NRG1: variants seen among roughly 807,000 people sequenced by gnomAD.
The protein encoded by NRG1 is pro-neuregulin-1, membrane-bound isoform.
In NRG1, 18 loss-of-function variants were observed where a neutral mutation model predicts 63.8. The observed-to-expected ratio is 0.28, with a 90% confidence interval of 0.19 to 0.42. NRG1 has a LOEUF of 0.42. Among genes scored for constraint, NRG1 ranks in the 10% least tolerant of loss-of-function variants. The pLI is 1.00. For synonymous variants in NRG1, 302 were observed against 301.3 expected (o/e 1.00, Z -0.02); for missense variants, 762 against 814.7 (o/e 0.94, Z 0.79).
intron 1 of NRG1, among the ~76,000 whole-genome samples, chr8:32,253,936 G>A (rs1008138394): frequency 1.3e-5 from 2 of 152,128 alleles, no homozygotes; most frequent in African/African-American, 4.8e-5. Flanking sequence ...ATGTGTCTAG[G>A]AGTTTATCAA....
intron 1 of NRG1, among the ~76,000 whole-genome samples, chr8:31,747,472 A>T (rs541541668): frequency 6.6e-6 from 1 of 152,120 alleles, no homozygotes; most frequent in South Asian, 2.1e-4. Flanking sequence ...ACAGTTAATT[A>T]ATTCAATTCA....
intron 1 of NRG1, among the ~76,000 whole-genome samples, chr8:32,063,955 G>GGGT (rs1824314573): frequency 6.6e-6 from 1 of 152,096 alleles, no homozygotes; most frequent in Non-Finnish European, 1.5e-5. Flanking sequence ...GGAAGTGTGG[G>GGGT]CAGGGAGAAT....
intron 1 of NRG1, among the ~76,000 whole-genome samples, chr8:32,221,813 T>C (rs1563923235): frequency 1.3e-5 from 2 of 152,072 alleles, no homozygotes; most frequent in African/African-American, 2.4e-5. Flanking sequence ...TTTAAACTGG[T>C]CTAAAAGGAA....
chr8:31,719,538 T>C (rs1812690442), intron 1 of NRG1, among the ~76,000 whole-genome samples: 1 of 152,210 alleles, frequency 6.6e-6, no homozygotes. Context: ...TGGAGCTTTG[T>C]TGGTCAATTC....
intron 1 of NRG1, among the ~76,000 whole-genome samples, chr8:32,295,184 G>A (rs1854690892): frequency 6.6e-6 from 1 of 152,100 alleles, no homozygotes; most frequent in Non-Finnish European, 1.5e-5. Flanking sequence ...ATTAAAATTT[G>A]ATAAGCTTTT....
intron 1 of NRG1, among the ~76,000 whole-genome samples, chr8:32,241,018 G>GGGAC (rs1848050159): frequency 6.6e-6 from 1 of 151,956 alleles, no homozygotes; most frequent in African/African-American, 2.4e-5. Context: ...AAGGAAAGAT[G>GGGAC]GGACTCTGGA....
downstream of NRG1, among the ~76,000 whole-genome samples, chr8:32,769,692 G>A (rs568298978): frequency 5.1e-4 from 78 of 152,272 alleles, 2 homozygotes; most frequent in South Asian, 7.3e-3. Context: ...AACTTGGCAG[G>A]AAATACCAAT....
chr8:31,965,518 C>T (rs112440691), intron 1 of NRG1, among the ~76,000 whole-genome samples: 2,089 of 152,260 alleles, frequency 0.014, 16 homozygotes, highest in Non-Finnish European at 0.024. Flanking sequence ...CCACTGCACC[C>T]AGCCAGATGT....
intron 1 of NRG1, among the ~76,000 whole-genome samples, chr8:32,573,056 T>G (rs17720634): frequency 0.21 from 31,216 of 152,122 alleles, 3,887 homozygotes; most frequent in Admixed American, 0.33. Flanking sequence ...TATCTTAGCT[T>G]CTTCTCCTTA....
intron 1 of NRG1, among the ~76,000 whole-genome samples, chr8:31,643,210 A>G (rs1803971395): frequency 2.0e-5 from 3 of 152,248 alleles, no homozygotes. Flanking sequence ...GTGATGGAGC[A>G]GAAGGCCCTC....
At chr8:32,356,084 G>A (rs1036745930) in intron 1 of NRG1, among the ~76,000 whole-genome samples, 1 of 152,144 alleles carries the variant, frequency 6.6e-6, no homozygotes, top group Non-Finnish European at 1.5e-5. Flanking sequence ...CAGAGGACAA[G>A]TACCCTACTC....
At chr8:32,654,543 C>G (rs148342612) in intron 5 of NRG1, among the ~76,000 whole-genome samples, 1 of 149,790 alleles carries the variant, frequency 6.7e-6, no homozygotes, top group Non-Finnish European at 1.5e-5. Flanking sequence ...GAAGGAGAAT[C>G]GCTTCAACCT....
chr8:32,443,851 A>G (rs755979557), intron 1 of NRG1, among the ~76,000 whole-genome samples: 1 of 151,206 alleles, frequency 6.6e-6, no homozygotes, highest in South Asian at 2.1e-4. Flanking sequence ...AAAAAAATGT[A>G]TGGCTTTAGA....
chr8:32,153,627 T>C (rs1367195713), intron 1 of NRG1, among the ~76,000 whole-genome samples: 1 of 152,168 alleles, frequency 6.6e-6, no homozygotes, highest in Non-Finnish European at 1.5e-5. Flanking sequence ...GATAGCAAAA[T>C]ATTGCATACA....
intron 1 of NRG1, among the ~76,000 whole-genome samples, chr8:32,461,126 C>T (rs1822255456): frequency 6.6e-6 from 1 of 152,010 alleles, no homozygotes; most frequent in Admixed American, 6.6e-5. Context: ...AATTCTGGCT[C>T]CTACTCTTCC....
Position 32,044,053 on chromosome 8 carries a change from T to C in NRG1, c.37+404622T>C, listed in dbSNP as rs192102058. 5.2e-3 allele frequency among the ~76,000 whole-genome samples: 788 copies of C among 152,014 alleles called. 3 individuals carry two copies. Among genetic ancestry groups the C allele is most frequent in the Admixed American group, 8.9e-3 (136 of 15,266 alleles). On this transcript the variant is annotated intron_variant, in intron 1 of 10. Transcript: ENST00000519301. Reference sequence around the variant, plus strand: ...ATGTATGATGCAGCAATATGCTATGTACAAAAAATCACTTTAAAATAATGA... The same window carrying C: ...ATGTATGATGCAGCAATATGCTATGCACAAAAAATCACTTTAAAATAATGA...
At chr8:32,763,388 C>T (rs1279799502) in intron 11 of NRG1, 2 of 1,608,608 alleles carry the variant, frequency 1.2e-6, no homozygotes, top group African/African-American at 1.3e-5. Flanking sequence ...ACTTCTTTCC[C>T]TTCCGAATCC....
chr8:31,876,927 G>A (rs983417784), intron 1 of NRG1, among the ~76,000 whole-genome samples: 20 of 152,104 alleles, frequency 1.3e-4, no homozygotes, highest in Admixed American at 8.5e-4. Flanking sequence ...TTAAGTACAC[G>A]CTGAGATGAC....
At chr8:32,153,579 C>A (rs139821357) in intron 1 of NRG1, among the ~76,000 whole-genome samples, 62 of 152,288 alleles carry the variant, frequency 4.1e-4, no homozygotes, top group African/African-American at 1.4e-3. Flanking sequence ...GAAAATTAGT[C>A]TATGGCCATA....
Sources: allele counts gnomAD v4.1 joint callset (sites outside exome capture counted in the v4.1 genomes callset), GRCh38; gene constraint gnomAD v4.1.1; transcripts MANE v1.5; gene names NCBI Gene and HGNC (gene_info 2026-07-23, HGNC 2026-07-21).